The following DGKI variants were observed in gnomAD, a reference collection of about 807,000 sequenced individuals.
DGKI encodes the protein diacylglycerol kinase iota, also known as DAG kinase iota.
A neutral mutation model predicts 147.5 loss-of-function variants in DGKI; 55 were observed. The ratio of observed to expected loss-of-function variants is 0.37; its 90% CI spans 0.30 to 0.47. DGKI has a LOEUF of 0.47. DGKI is among the 20% of genes least tolerant of loss of function. DGKI has a pLI of 1.00. For missense variants in DGKI, 1,007 were observed against 1,323.8 expected (o/e 0.76, Z 3.71); for synonymous variants, 469 against 477.1 (o/e 0.98, Z 0.22).
rs187395348 is a variant in DGKI at position 137,562,979 on chromosome 7, G to A, written c.1947+8196C>T. ...ATGCAAGAAAAGAAATTTATTTATCGCTCTCCCTCATAATCATAATCACAA... is the reference window on the plus strand; with the variant it reads ...ATGCAAGAAAAGAAATTTATTTATCACTCTCCCTCATAATCATAATCACAA... On this transcript the variant is annotated intron_variant, in intron 19 of 32. Transcript: ENST00000614521. 3.0e-3 allele frequency among the ~76,000 whole-genome samples: 453 copies of A among 151,986 alleles called. 3 individuals are homozygous for A. The highest frequency in any genetic ancestry group is 4.6e-3 in the Admixed American group (70 of 15,252).
intron 1 of DGKI, among the ~76,000 whole-genome samples, chr7:137,841,284 C>T (rs1170767823): frequency 6.6e-6 from 1 of 152,206 alleles, no homozygotes; most frequent in East Asian, 1.9e-4. Flanking sequence ...ACAGACTTAG[C>T]TTGGTATTTT....
chr7:137,624,698 G>A (rs543730980), intron 6 of DGKI, among the ~76,000 whole-genome samples: 12 of 151,790 alleles, frequency 7.9e-5, no homozygotes, highest in East Asian at 5.9e-4. Context: ...TCCGCCTCCC[G>A]GGTTCACACC....
intron 19 of DGKI, among the ~76,000 whole-genome samples, chr7:137,557,420 T>TA (rs1744665503): frequency 6.6e-6 from 1 of 152,108 alleles, no homozygotes; most frequent in Admixed American, 6.5e-5. Context: ...GACTCAAAGA[T>TA]ACGAGTACAT....
chr7:137,645,651 C>A lies in DGKI; in HGVS notation c.739-114G>T, dbSNP rs568833206. ...GTATAATCATAGTTCACTGCAGCCT[C>A]GAACTCCTCTGCTCAAGCAATTCAC... is the stretch of plus-strand genomic sequence containing the variant. On this transcript the variant is annotated intron_variant, in intron 5 of 32. Transcript: ENST00000614521. The A allele has an allele frequency of 5.4e-6, 5 of 921,904 alleles. No homozygotes were observed. The Admixed American group carries it at 1.0e-4, about 19-fold the overall frequency. 57.1% of individuals were successfully genotyped at this position (921,904 alleles called of 1,614,324 possible). A position where few individuals can be genotyped will look rare whatever the true frequency, so the allele number is the denominator to read the frequency against.
At chr7:137,834,146 C>T (rs1243303569) in intron 1 of DGKI, among the ~76,000 whole-genome samples, 1 of 152,184 alleles carries the variant, frequency 6.6e-6, no homozygotes, top group Non-Finnish European at 1.5e-5. Flanking sequence ...AGTAGGACCT[C>T]ATATTAATGT....
At chr7:137,660,201 T>C (rs1335876954) in intron 3 of DGKI, among the ~76,000 whole-genome samples, 1 of 152,148 alleles carries the variant, frequency 6.6e-6, no homozygotes, top group Non-Finnish European at 1.5e-5. Flanking sequence ...AGAAACTTAT[T>C]TGTAGGTGTG....
At chr7:137,815,853 CTCTT>C (rs1465792465) in intron 1 of DGKI, among the ~76,000 whole-genome samples, 1 of 151,758 alleles carries the variant, frequency 6.6e-6, no homozygotes, top group Non-Finnish European at 1.5e-5. Flanking sequence ...GACTCTACTG[CTCTT>C]TCTATTTTCA....
intron 23 of DGKI, 83 bp downstream of exon 23, chr7:137,485,291 C>T: frequency 9.3e-7 from 1 of 1,074,940 alleles, no homozygotes; most frequent in Non-Finnish European, 1.4e-6. Flanking sequence ...GATGTGAACT[C>T]TAAATCAAAA....
At chr7:137,535,833 C>CG (rs1817499605) in intron 20 of DGKI, among the ~76,000 whole-genome samples, 3 of 152,146 alleles carry the variant, frequency 2.0e-5, no homozygotes, top group African/African-American at 7.2e-5. Flanking sequence ...TATAAGAACA[C>CG]AGGAACGATT....
rs180962859 is a variant in DGKI, at chr7:137,449,702, C to A, written c.2736-5600G>T. Among the ~76,000 whole-genome samples, 165 of 152,288 alleles carry A rather than the reference C, an allele frequency of 1.1e-3. 2 individuals are homozygous for A. The highest frequency in any genetic ancestry group is 1.1e-3 in the Non-Finnish European group (78 of 68,016). ...ATCACCAGAGCAAAGAAACAACCTACATAATATGAAGTTTCCTCAAAAAAC... is the reference window on the plus strand; with the variant it reads ...ATCACCAGAGCAAAGAAACAACCTAAATAATATGAAGTTTCCTCAAAAAAC... On this transcript the variant is annotated intron_variant, in intron 27 of 32. Coordinates refer to ENST00000614521, the MANE Select transcript of DGKI (RefSeq NM_001321708.2).
chr7:137,740,872 A>G (rs1467851260), intron 1 of DGKI, among the ~76,000 whole-genome samples: 1 of 152,206 alleles, frequency 6.6e-6, no homozygotes, highest in Non-Finnish European at 1.5e-5. Flanking sequence ...TAAGGTAATT[A>G]TAAGATTGGA....
chr7:137,452,702 C>G (rs1299243242), intron 27 of DGKI: 1 of 152,182 alleles, frequency 6.6e-6, no homozygotes. Flanking sequence ...GAAAGAGAAG[C>G]TCTTAATGTC....
At chr7:137,519,271 G>T (rs1371978497) in intron 21 of DGKI, among the ~76,000 whole-genome samples, 1 of 152,062 alleles carries the variant, frequency 6.6e-6, no homozygotes, top group Non-Finnish European at 1.5e-5. Context: ...ATTATTGTCA[G>T]GGAGCCCTGC....
At chr7:137,722,277 T>C (rs796427955) in intron 1 of DGKI, 1 of 1,610,030 alleles carries the variant, frequency 6.2e-7, no homozygotes, top group Non-Finnish European at 8.5e-7. Context: ...AACCAGTTGG[T>C]GGTGACAAGA....
At chr7:137,638,624 ATATATG>A (rs1821491164) in intron 6 of DGKI, among the ~76,000 whole-genome samples, 31 of 2,310 alleles carry the variant, frequency 0.013, 11 homozygotes, top group African/African-American at 0.022. Context: ...ACACACACAT[ATATATG>A]TGTGTATATA....
intron 25 of DGKI, among the ~76,000 whole-genome samples, chr7:137,466,392 C>T (rs1322314735): frequency 1.3e-5 from 2 of 152,212 alleles, no homozygotes; most frequent in African/African-American, 4.8e-5. Context: ...AGCTAAGCAG[C>T]ATGGTTAACA....
intron 1 of DGKI, among the ~76,000 whole-genome samples, chr7:137,723,737 T>G (rs1794636806): frequency 7.5e-6 from 1 of 134,140 alleles, no homozygotes; most frequent in African/African-American, 2.8e-5. Context: ...TGAGACAGAG[T>G]CTTTCTCTGT....
intron 17 of DGKI, among the ~76,000 whole-genome samples, chr7:137,573,208 A>G (rs1319438517): frequency 6.6e-6 from 1 of 152,164 alleles, no homozygotes; most frequent in African/African-American, 2.4e-5. Context: ...GAAAAGAAAA[A>G]AGCCTCAAGT....
intron 2 of DGKI, among the ~76,000 whole-genome samples, chr7:137,680,381 A>G (rs974166628): frequency 2.0e-5 from 3 of 152,224 alleles, no homozygotes; most frequent in Admixed American, 6.5e-5. Context: ...ATAATCATGT[A>G]ATGAAAACCC....
Sources: allele counts gnomAD v4.1 joint callset (sites outside exome capture counted in the v4.1 genomes callset), GRCh38; gene constraint gnomAD v4.1.1; transcripts MANE v1.5; gene names NCBI Gene and HGNC (gene_info 2026-07-23, HGNC 2026-07-21).